ZFYVE9: variants seen among roughly 807,000 people sequenced by gnomAD.
ZFYVE9 encodes zinc finger FYVE-type containing 9.
A neutral mutation model predicts 126.7 loss-of-function variants in ZFYVE9; 43 were observed. The observed-to-expected ratio is 0.34, with a 90% CI of 0.27 to 0.44. ZFYVE9 has a LOEUF of 0.44. Ranked by LOEUF, ZFYVE9 falls within the 20% of genes least tolerant of loss-of-function variation. The pLI, the probability that ZFYVE9 is intolerant of heterozygous loss-of-function variation, is 1.00. For missense variants in ZFYVE9, 1,476 were observed against 1,697.0 expected, an observed-to-expected ratio of 0.87 and a Z score of 2.29; for synonymous variants, 521 against 597.4, an observed-to-expected ratio of 0.87 and a Z score of 1.87.
intron 13 of ZFYVE9, among the ~76,000 whole-genome samples, chr1:52,305,870 G>A (rs1490154645): frequency 1.3e-5 from 2 of 152,134 alleles, no homozygotes; most frequent in Non-Finnish European, 2.9e-5. Flanking sequence ...GCAAAGTCGG[G>A]GCAGTGCTGA....
In ZFYVE9 at chr1:52,303,804, A is replaced by C; in HGVS notation, c.3334-17A>C. The C allele has an allele frequency of 6.6e-7, 1 of 1,506,594 alleles. No individual in the cohort carries two copies. 93.3% of individuals were successfully genotyped at this position (1,506,594 alleles called of 1,614,324 possible). A position where few individuals can be genotyped will look rare whatever the true frequency, so the allele number is the denominator to read the frequency against. ...TTGATGAATTAATTTATTCTGCTTCAATCTGCTTTGGCCCAGGACTTCAGA... is the reference window on the plus strand; with the variant it reads ...TTGATGAATTAATTTATTCTGCTTCCATCTGCTTTGGCCCAGGACTTCAGA... On this transcript the variant is annotated splice_polypyrimidine_tract_variant and intron_variant, in intron 12 of 18. Transcript: ENST00000287727.
At chr1:52,184,841 A>G (rs189708822) in intron 1 of ZFYVE9, among the ~76,000 whole-genome samples, 33 of 152,190 alleles carry the variant, frequency 2.2e-4, no homozygotes, top group Admixed American at 4.6e-4. Context: ...CCTGGACAAC[A>G]TAGCAAGACC....
chr1:52,334,273 C>G (rs1272741523), intron 14 of ZFYVE9, among the ~76,000 whole-genome samples: 1 of 152,174 alleles, frequency 6.6e-6, no homozygotes, highest in Non-Finnish European at 1.5e-5. Flanking sequence ...TTGTCAACAA[C>G]TATTCGGCTC....
chr1:52,288,701 G>A (rs897860736), intron 10 of ZFYVE9, among the ~76,000 whole-genome samples: 4 of 152,134 alleles, frequency 2.6e-5, no homozygotes, highest in Non-Finnish European at 5.9e-5. Flanking sequence ...CAGGCAGGCA[G>A]ATCACTTGAG....
At chr1:52,247,365 C>G (rs189082522) in intron 4 of ZFYVE9, among the ~76,000 whole-genome samples, 1 of 152,256 alleles carries the variant, frequency 6.6e-6, no homozygotes, top group African/African-American at 2.4e-5. Context: ...ATTCTAAATA[C>G]TAGTCACAAT....
chr1:52,165,114 A>T (rs1644500728), intron 1 of ZFYVE9, among the ~76,000 whole-genome samples: 1 of 152,214 alleles, frequency 6.6e-6, no homozygotes, highest in Admixed American at 6.5e-5. Context: ...AATAAAAAAA[A>T]ATCCAGAAAA....
intron 1 of ZFYVE9, among the ~76,000 whole-genome samples, chr1:52,175,413 C>T (rs890298219): frequency 6.6e-6 from 1 of 151,826 alleles, no homozygotes; most frequent in African/African-American, 2.4e-5. Context: ...GGTAACCCGA[C>T]CTTTCTCTGT....
At chr1:52,160,203 C>T (rs1397737555) in intron 1 of ZFYVE9, 13 of 702,600 alleles carry the variant, frequency 1.9e-5, no homozygotes, top group Non-Finnish European at 3.4e-5. Context: ...CTTCTCCCTG[C>T]CTGTTAAGCT....
intron 14 of ZFYVE9, 105 bp downstream of exon 14, chr1:52,333,023 C>T: frequency 7.1e-7 from 1 of 1,406,046 alleles, no homozygotes; most frequent in Non-Finnish European, 9.7e-7. Context: ...TAGGTGACCA[C>T]AAACAAATTA....
At chr1:52,237,358 GC>G in intron 3 of ZFYVE9, 129 bp from the exon 4 acceptor site, 1 of 820,882 alleles carries the variant, frequency 1.2e-6, no homozygotes, top group East Asian at 2.7e-5. Flanking sequence ...TTATTTTTTA[GC>G]CCCGAATTAG....
At chr1:52,235,203 G>A (rs1645263004) in intron 3 of ZFYVE9, among the ~76,000 whole-genome samples, 1 of 152,044 alleles carries the variant, frequency 6.6e-6, no homozygotes, top group Admixed American at 6.6e-5. Flanking sequence ...CTCACTACCA[G>A]TTGCATTAAA....
chr1:52,291,259 TG>T (rs1442745121), intron 10 of ZFYVE9, among the ~76,000 whole-genome samples: 2 of 152,208 alleles, frequency 1.3e-5, no homozygotes, highest in African/African-American at 4.8e-5. Context: ...TCCCTTCACT[TG>T]TGGCTGCTAC....
At chr1:52,255,818 G>T (rs1304142395) in intron 4 of ZFYVE9, among the ~76,000 whole-genome samples, 1 of 151,836 alleles carries the variant, frequency 6.6e-6, no homozygotes, top group Non-Finnish European at 1.5e-5. Flanking sequence ...TTGCATCACT[G>T]CACTCTAGTC....
At chr1:52,277,408 C>T (rs1645758376) in intron 8 of ZFYVE9, among the ~76,000 whole-genome samples, 1 of 152,088 alleles carries the variant, frequency 6.6e-6, no homozygotes, top group Non-Finnish European at 1.5e-5. Context: ...AAAACTTCTC[C>T]TACCAAGAAA....
At chr1:52,219,804 G>GTGTGTGT (rs1553126056) in intron 2 of ZFYVE9, among the ~76,000 whole-genome samples, 26 of 88,142 alleles carry the variant, frequency 2.9e-4, no homozygotes, top group South Asian at 1.6e-3. Context: ...TGTGTGTGTG[G>GTGTGTGT]CAGAGTCTTA....
intron 1 of ZFYVE9, among the ~76,000 whole-genome samples, chr1:52,155,389 C>T (rs1040353684): frequency 2.6e-5 from 4 of 152,038 alleles, no homozygotes; most frequent in Non-Finnish European, 5.9e-5. Flanking sequence ...CGCCCACCAC[C>T]TCGCCCAGCT....
At chr1:52,214,955 C>T (rs1179558025) in intron 1 of ZFYVE9, among the ~76,000 whole-genome samples, 2 of 152,166 alleles carry the variant, frequency 1.3e-5, no homozygotes, top group Non-Finnish European at 2.9e-5. Context: ...CTGTTTTATT[C>T]AGTACACTGA....
At chr1:52,341,770 TCTGAGCA>T (rs1182005354) in intron 17 of ZFYVE9, among the ~76,000 whole-genome samples, 7 of 152,226 alleles carry the variant, frequency 4.6e-5, no homozygotes, top group African/African-American at 1.7e-4. Context: ...GTTCTCCAGT[TCTGAGCA>T]GTAGTCCTAA....
rs11344134 is a variant in ZFYVE9, at chr1:52,201,374, ATTTTTTT to A, written c.-142-14980_-142-14974del. 3.6e-3 allele frequency among the ~76,000 whole-genome samples: 328 copies of A among 91,274 alleles called. 1 individual carries two copies. Among genetic ancestry groups the A allele is most frequent in the African/African-American group, 0.011 (311 of 28,516 alleles). 59.9% of individuals were successfully genotyped at this position (91,274 alleles called of 152,430 possible). A position where few individuals can be genotyped will look rare whatever the true frequency, so the allele number is the denominator to read the frequency against. On this transcript the variant is annotated intron_variant, in intron 1 of 18. Transcript: ENST00000287727. Reference sequence around the variant, plus strand: ...ACTTATTCCTGGAGGGTTTTTGGTAATTTTTTTTTTTTTTTTTTTTTGAGACAGAGTC... The same window carrying A: ...ACTTATTCCTGGAGGGTTTTTGGTAATTTTTTTTTTTTTTGAGACAGAGTC...
Sources: allele counts gnomAD v4.1 joint callset (sites outside exome capture counted in the v4.1 genomes callset), GRCh38; gene constraint gnomAD v4.1.1; transcripts MANE v1.5; gene names NCBI Gene and HGNC (gene_info 2026-07-23, HGNC 2026-07-21).